The following PLA2G4A variants were observed in gnomAD, a reference collection of about 807,000 sequenced individuals.
The protein encoded by PLA2G4A is phospholipase A2 group IVA.
PLA2G4A carries 40 observed loss-of-function variants against 81.9 expected under a neutral mutation model. That is an observed-to-expected ratio of 0.49 (90% CI 0.38 to 0.64). The LOEUF (loss-of-function observed/expected upper bound fraction) is 0.64, where lower values mean the gene tolerates loss of function less well. PLA2G4A is among the 30% of genes least tolerant of loss of function. The pLI is 0.00. For missense variants in PLA2G4A, 715 were observed against 905.1 expected (o/e 0.79, Z 2.69); for synonymous variants, 302 against 296.9 (o/e 1.02, Z -0.18).
At chr1:186,970,283 C>A (rs146440609) in intron 15 of PLA2G4A, among the ~76,000 whole-genome samples, 1 of 151,782 alleles carries the variant, frequency 6.6e-6, no homozygotes, top group Non-Finnish European at 1.5e-5. Context: ...GTTGTTTGAG[C>A]TTCTTATATA....
At chr1:186,952,206 A>G (rs558761882) in intron 13 of PLA2G4A, among the ~76,000 whole-genome samples, 1 of 152,260 alleles carries the variant, frequency 6.6e-6, no homozygotes, top group South Asian at 2.1e-4. Flanking sequence ...TGGTTTCTCC[A>G]TTATTAAGTA....
chr1:186,936,248 A>C (rs1231068729), intron 8 of PLA2G4A, among the ~76,000 whole-genome samples: 3 of 151,996 alleles, frequency 2.0e-5, no homozygotes, highest in African/African-American at 7.2e-5. Flanking sequence ...TTAACAGTAC[A>C]AAAAATTCTT....
At position 186,870,500 on chromosome 1, in the gene PLA2G4A, G is replaced by A. The variant is rs1426941750; in HGVS notation, c.99G>A (p.Gly33=). ...TACGTGCCACCAAAGTGACAAAGGGGGCCTTTGGTGACATGCGTAAGTGCC... is the reference window on the plus strand; with the variant it reads ...TACGTGCCACCAAAGTGACAAAGGGAGCCTTTGGTGACATGCGTAAGTGCC... ...VVLRATKVTK[G]AFGDMLDTPD... is the part of the protein sequence containing the mutation. The change falls in exon 3 of 18, where the codon GGG becomes GGA. Residue 33 remains glycine, a synonymous_variant. Transcript: ENST00000367466. 6.8e-6 allele frequency: 11 copies of A among 1,609,102 alleles called. No homozygotes were observed. The highest frequency in any genetic ancestry group is 8.5e-6 in the Non-Finnish European group (10 of 1,175,548).
In PLA2G4A at chr1:186,865,041, T is replaced by C. The variant is rs931123321; in HGVS notation, c.34-5394T>C. Among the ~76,000 whole-genome samples, 29 of 150,828 alleles carry C rather than the reference T, an allele frequency of 1.9e-4. No homozygotes were observed. The South Asian group carries it at 4.8e-3, about 25-fold the overall frequency. ...TCATCTGATCCACTGAACTCTAGCC[T>C]GGGTGATAGAATGAGACTCTGTCTA... On this transcript the variant is annotated intron_variant, in intron 2 of 17. Transcript: ENST00000367466.
At chr1:186,939,682 C>T (rs12720601) in intron 9 of PLA2G4A, among the ~76,000 whole-genome samples, 1,786 of 152,184 alleles carry the variant, frequency 0.012, 41 homozygotes, top group African/African-American at 0.04. Context: ...AGCAGAGGAG[C>T]GCCTGTGACA....
chr1:186,912,232 A>G (rs12730349), intron 7 of PLA2G4A, among the ~76,000 whole-genome samples: 1 of 152,170 alleles, frequency 6.6e-6, no homozygotes, highest in South Asian at 2.1e-4. Flanking sequence ...AAGAAAATTA[A>G]CCATTATACT....
intron 3 of PLA2G4A, among the ~76,000 whole-genome samples, chr1:186,889,901 A>G (rs577428323): frequency 1.3e-5 from 2 of 152,246 alleles, no homozygotes; most frequent in African/African-American, 4.8e-5. Flanking sequence ...TTACTGAGGA[A>G]CATGATGTAA....
intron 1 of PLA2G4A, among the ~76,000 whole-genome samples, chr1:186,837,720 G>A (rs1651833438): frequency 8.8e-6 from 1 of 113,640 alleles, no homozygotes; most frequent in South Asian, 2.8e-4. Flanking sequence ...CTGGGCGACA[G>A]AGAGAGACTC....
At chr1:186,956,055 A>G (rs761555088) in intron 13 of PLA2G4A, 47 bp from the exon 14 acceptor site, 1 of 1,579,528 alleles carries the variant, frequency 6.3e-7, no homozygotes, top group Non-Finnish European at 8.7e-7. Context: ...ATCCCTTTTT[A>G]AACATGTATT....
intron 2 of PLA2G4A, among the ~76,000 whole-genome samples, chr1:186,864,000 G>T (rs1652919478): frequency 6.9e-6 from 1 of 144,028 alleles, no homozygotes; most frequent in South Asian, 2.3e-4. Flanking sequence ...GACCTCAGGT[G>T]ATCCACCTTC....
intron 2 of PLA2G4A, among the ~76,000 whole-genome samples, chr1:186,861,780 G>T (rs1030449491): frequency 5.9e-5 from 9 of 152,004 alleles, no homozygotes; most frequent in South Asian, 2.1e-4. Context: ...TGTGTTATTG[G>T]CCAGACTGTT....
At chr1:186,860,019 C>T (rs977307489) in intron 2 of PLA2G4A, among the ~76,000 whole-genome samples, 12 of 151,968 alleles carry the variant, frequency 7.9e-5, no homozygotes, top group African/African-American at 2.9e-4. Flanking sequence ...TACAAAAGCA[C>T]AGGACTGTAA....
chr1:186,984,898 C>T (rs1192944378), intron 17 of PLA2G4A, among the ~76,000 whole-genome samples: 2 of 152,036 alleles, frequency 1.3e-5, no homozygotes, highest in East Asian at 3.9e-4. Flanking sequence ...TCAAGACTAG[C>T]CTATGAGGTG....
At chr1:186,914,041 T>G (rs1655054494) in intron 7 of PLA2G4A, among the ~76,000 whole-genome samples, 1 of 152,150 alleles carries the variant, frequency 6.6e-6, no homozygotes, top group South Asian at 2.1e-4. Context: ...AAGTTTATTT[T>G]AAAAAGAGAG....
At position 186,962,545 on chromosome 1, in the gene PLA2G4A, G is replaced by A. The variant is rs190283171; in HGVS notation, c.1580-2864G>A. Among the ~76,000 whole-genome samples, 582 of 145,536 alleles carry A rather than the reference G, an allele frequency of 4.0e-3. 5 individuals are homozygous for A. Among genetic ancestry groups the A allele is most frequent in the African/African-American group, 0.013 (508 of 39,244 alleles). Reference sequence around the variant, plus strand: ...TTATTTATTTATTTATTTTTGAGACGGAGTCTTGCTCTGTCGCCCAGGCTG... The same window carrying A: ...TTATTTATTTATTTATTTTTGAGACAGAGTCTTGCTCTGTCGCCCAGGCTG... On this transcript the variant is annotated intron_variant, in intron 14 of 17. Coordinates refer to ENST00000367466, the MANE Select transcript of PLA2G4A (RefSeq NM_024420.3).
chr1:186,969,925 C>T (rs1657279974), intron 15 of PLA2G4A, among the ~76,000 whole-genome samples: 1 of 151,742 alleles, frequency 6.6e-6, no homozygotes, highest in Non-Finnish European at 1.5e-5. Flanking sequence ...GGGTATATAC[C>T]CAGTAATGGG....
chr1:186,940,637 C>T (rs1238703034), intron 10 of PLA2G4A, among the ~76,000 whole-genome samples: 3 of 152,126 alleles, frequency 2.0e-5, no homozygotes, highest in Non-Finnish European at 2.9e-5. Context: ...ATGCCTAATA[C>T]AGTGTAAATG....
chr1:186,879,784 A>C (rs1653656523), intron 3 of PLA2G4A, among the ~76,000 whole-genome samples: 1 of 151,122 alleles, frequency 6.6e-6, no homozygotes, highest in Non-Finnish European at 1.5e-5. Flanking sequence ...TGAGATATGT[A>C]CTGTCTTTAT....
At chr1:186,909,311 A>T (rs928519027) in intron 6 of PLA2G4A, among the ~76,000 whole-genome samples, 2 of 150,632 alleles carry the variant, frequency 1.3e-5, no homozygotes, top group Admixed American at 6.6e-5. Context: ...ACCTAACCTA[A>T]TATGTCATTA....
Sources: gnomAD v4.1 joint callset for allele counts (sites outside exome capture counted in the v4.1 genomes callset) on GRCh38, gnomAD v4.1.1 for gene constraint, MANE v1.5 for transcripts, NCBI Gene and HGNC (gene_info 2026-07-23, HGNC 2026-07-21) for gene names.